The following PREP variants were observed in gnomAD, a reference collection of about 807,000 sequenced individuals.
PREP encodes dJ355L5.1 (prolyl endopeptidase).
Under a neutral mutation model 87.6 loss-of-function variants are expected in PREP, and 29 were observed. The observed-to-expected ratio is 0.33, with a 90% CI of 0.25 to 0.45. PREP has a LOEUF of 0.45. Ranked by LOEUF, PREP falls within the 20% of genes least tolerant of loss-of-function variation. The pLI, the probability that PREP is intolerant of heterozygous loss-of-function variation, is 1.00. For synonymous variants in PREP, 337 were observed against 328.6 expected (o/e 1.03, Z -0.28); for missense variants, 695 against 886.5 (o/e 0.78, Z 2.74).
chr6:105,278,299 C>T lies in PREP; in HGVS notation c.1978G>A (p.Val660Met), dbSNP rs1769993580. 3 of 1,614,058 alleles carry T rather than the reference C, an allele frequency of 1.9e-6. No individual in the cohort carries two copies. Among genetic ancestry groups the T allele is most frequent in the Non-Finnish European group, 2.5e-6 (3 of 1,180,044 alleles). Residue 660 changes from valine (V) to methionine (M), a missense_variant, in exon 15 of 15, where the codon GTG becomes ATG. By Grantham distance (21) the Val-to-Met change is conservative. Coordinates refer to ENST00000652536, the MANE Select transcript of PREP (RefSeq NM_002726.5). The surrounding 1 kb of genome is among the most constrained non-coding windows in gnomAD (Gnocchi z 4.2). ...TTGCTTTGCTTCCTGCTGCGGCCCA[C>T]GATGTACTGAAGGGTGGCAATGAAC... ...LKFIATLQYI[V>M]GRSRKQSNPL...
At chr6:105,289,061 G>C (rs1472305371) in intron 10 of PREP, among the ~76,000 whole-genome samples, 167 bp from the exon 11 acceptor site, 1 of 152,214 alleles carries the variant, frequency 6.6e-6, no homozygotes, top group African/African-American at 2.4e-5. Flanking sequence ...TTTTTATGGA[G>C]AGAATGTAGA....
intron 7 of PREP, among the ~76,000 whole-genome samples, chr6:105,336,214 C>T (rs1439707296): frequency 6.6e-6 from 1 of 151,724 alleles, no homozygotes; most frequent in Non-Finnish European, 1.5e-5. Flanking sequence ...GAGCCGAGAT[C>T]ACACCACTGC....
chr6:105,374,257 T>C (rs1287027473), intron 4 of PREP, among the ~76,000 whole-genome samples: 4 of 152,218 alleles, frequency 2.6e-5, no homozygotes, highest in Non-Finnish European at 5.9e-5. Flanking sequence ...GGCAGAATGT[T>C]CTAATCACTA....
chr6:105,379,842 C>T (rs959080444), intron 2 of PREP, among the ~76,000 whole-genome samples: 2 of 152,170 alleles, frequency 1.3e-5, no homozygotes, highest in African/African-American at 4.8e-5. Context: ...GGGGACACAC[C>T]CACAAAAAGC....
rs117080960 is a variant in PREP, at chr6:105,368,142, T to C, written c.717+761A>G. Among the ~76,000 whole-genome samples the C allele has an allele frequency of 5.2e-4, 79 of 152,286 alleles. No individual in the cohort carries two copies. In the East Asian group the frequency reaches 0.014, roughly 27 times the overall value. On this transcript the variant is annotated intron_variant, in intron 6 of 14. Transcript: ENST00000652536. Reference sequence around the variant, plus strand: ...GCTAATTGTTTTTCAACTGAAGAGGTGTCTCAATGAGCTAAAAAGTTTGTA... The same window carrying C: ...GCTAATTGTTTTTCAACTGAAGAGGCGTCTCAATGAGCTAAAAAGTTTGTA...
chr6:105,333,480 A>T lies in PREP; in HGVS notation c.849T>A (p.Ile283=). The T allele has an allele frequency of 1.2e-6, 2 of 1,614,100 alleles. No homozygotes were observed. Among genetic ancestry groups the T allele is most frequent in the Non-Finnish European group, 8.5e-7 (1 of 1,180,018 alleles). The change falls in exon 8 of 15, where the codon ATT becomes ATA. Residue 283 remains isoleucine, a synonymous_variant. Transcript: ENST00000652536. ...AGTCATATTCCCCTTCAAAGTTGTCAATCAGTTTTACCCACTTCAGGATTC... is the reference window on the plus strand; with the variant it reads ...AGTCATATTCCCCTTCAAAGTTGTCTATCAGTTTTACCCACTTCAGGATTC... ...IAGILKWVKL[I]DNFEGEYDYV...
At chr6:105,333,540 A>G (rs751892133) in intron 7 of PREP, 35 bp from the exon 8 acceptor site, 1 of 1,599,360 alleles carries the variant, frequency 6.3e-7, no homozygotes. Flanking sequence ...TCATCTCTCT[A>G]ATGTTTAAAA....
At chr6:105,389,167 C>T (rs1203868317) in intron 2 of PREP, among the ~76,000 whole-genome samples, 1 of 152,200 alleles carries the variant, frequency 6.6e-6, no homozygotes, top group Non-Finnish European at 1.5e-5. Context: ...GTGCAATGCC[C>T]AAGCAGCACC....
chr6:105,398,934 C>A (rs1773353352), intron 1 of PREP, among the ~76,000 whole-genome samples: 1 of 152,004 alleles, frequency 6.6e-6, no homozygotes, highest in Admixed American at 6.5e-5. Context: ...ATGCTGAAAT[C>A]CTGTCTCTAC....
chr6:105,336,271 C>T (rs1771474728), intron 7 of PREP, among the ~76,000 whole-genome samples: 1 of 152,160 alleles, frequency 6.6e-6, no homozygotes. Flanking sequence ...AGAAAATATA[C>T]ATAAAATAAA....
chr6:105,368,007 G>A (rs9322836), intron 6 of PREP, among the ~76,000 whole-genome samples: 52,062 of 152,058 alleles, frequency 0.34, 13,342 homozygotes, highest in African/African-American at 0.73. Flanking sequence ...TTTGGAATAC[G>A]GAAGATCAAT....
At chr6:105,317,148 G>T (rs1261688398) in intron 10 of PREP, among the ~76,000 whole-genome samples, 2 of 151,602 alleles carry the variant, frequency 1.3e-5, no homozygotes, top group East Asian at 3.9e-4. Flanking sequence ...TGTAGAAATG[G>T]AGTCTTGCTA....
At chr6:105,379,447 G>C (rs1772779456) in intron 2 of PREP, among the ~76,000 whole-genome samples, 1 of 152,208 alleles carries the variant, frequency 6.6e-6, no homozygotes, top group Non-Finnish European at 1.5e-5. Context: ...GCATTTTGGA[G>C]ATCACCAAGT....
At chr6:105,301,595 T>C (rs139573108) in intron 10 of PREP, among the ~76,000 whole-genome samples, 1 of 152,336 alleles carries the variant, frequency 6.6e-6, no homozygotes, top group East Asian at 1.9e-4. Flanking sequence ...GAGAGGAGTT[T>C]AAGAGTCATC....
chr6:105,273,411 G>C lies in PREP; in HGVS notation c.*4733C>G, dbSNP rs557086901. The C allele has an allele frequency of 6.6e-6, 1 of 152,250 alleles. No individual in the cohort carries two copies. Among genetic ancestry groups the C allele is most frequent in the African/African-American group, 2.4e-5 (1 of 41,552 alleles). The allele number at this position is 152,250 out of a possible 1,614,324, so 9.4% of individuals were successfully genotyped here. A position where few individuals can be genotyped will look rare whatever the true frequency, so the allele number is the denominator to read the frequency against. ...CGGTTAGATCCTTTATGCCCAAGTA[G>C]TTAATTACCATCTTCACCACCAACT... On this transcript the variant is annotated 3_prime_UTR_variant, in exon 15 of 15. Transcript: ENST00000652536.
At position 105,278,585 on chromosome 6, in the gene PREP, G is replaced by T; in HGVS notation, c.1839-147C>A. ...GACTGTGCCTATGCGTTACCATTTA[G>T]GCCATGACTGGCAAGGGCTCCTGGA... On this transcript the variant is annotated intron_variant, in intron 14 of 14. Transcript: ENST00000652536. The surrounding 1 kb of genome is among the most constrained non-coding windows in gnomAD (Gnocchi z 4.2). 1.2e-6 allele frequency: 1 copy of T among 821,280 alleles called. No homozygotes were observed. The highest frequency in any genetic ancestry group is 1.8e-6 in the Non-Finnish European group (1 of 541,952). 50.9% of individuals were successfully genotyped at this position (821,280 alleles called of 1,614,324 possible). A position where few individuals can be genotyped will look rare whatever the true frequency, so the allele number is the denominator to read the frequency against.
intron 7 of PREP, among the ~76,000 whole-genome samples, chr6:105,348,278 G>A (rs148570874): frequency 2.5e-4 from 38 of 152,298 alleles, no homozygotes; most frequent in African/African-American, 8.7e-4. Context: ...AAGCCACAGG[G>A]ATAAAGATTC....
At chr6:105,394,399 G>A (rs1374742453) in intron 2 of PREP, among the ~76,000 whole-genome samples, 11 of 152,104 alleles carry the variant, frequency 7.2e-5, no homozygotes, top group Non-Finnish European at 1.5e-4. Context: ...GATTGTAGAT[G>A]ATATGATTAT....
chr6:105,330,202 G>C (rs916057987), intron 8 of PREP, among the ~76,000 whole-genome samples: 18 of 152,158 alleles, frequency 1.2e-4, no homozygotes, highest in African/African-American at 4.3e-4. Context: ...CTGAACACAA[G>C]GGCAACATAA....
Sources: gnomAD v4.1 joint callset for allele counts (sites outside exome capture counted in the v4.1 genomes callset) on GRCh38, gnomAD v4.1.1 for gene constraint, Gnocchi (gnomAD v3.1) non-coding constraint, MANE v1.5 for transcripts, NCBI Gene and HGNC (gene_info 2026-07-23, HGNC 2026-07-21) for gene names.